The following ELOVL6 variants were observed in gnomAD, a reference collection of about 807,000 sequenced individuals.
The protein encoded by ELOVL6 is ELOVL fatty acid elongase 6, also known as very long chain fatty acid elongase 6.
A neutral mutation model predicts 31.7 loss-of-function variants in ELOVL6; 8 were observed. The ratio of observed to expected loss-of-function variants is 0.25; its 90% confidence interval spans 0.15 to 0.45. ELOVL6 has a LOEUF of 0.45. ELOVL6 is among the 20% of genes least tolerant of loss of function. ELOVL6 has a pLI of 1.00. For synonymous variants in ELOVL6, 101 were observed against 117.7 expected (o/e 0.86, Z 0.92); for missense variants, 126 against 326.4 (o/e 0.39, Z 4.73).
chr4:110,129,100 A>G (rs1395472148), intron 1 of ELOVL6, among the ~76,000 whole-genome samples: 1 of 152,248 alleles, frequency 6.6e-6, no homozygotes, highest in Non-Finnish European at 1.5e-5. Flanking sequence ...CAGAAAAATT[A>G]TGTATAAATC....
intron 1 of ELOVL6, among the ~76,000 whole-genome samples, chr4:110,160,581 G>A (rs1213485045): frequency 6.6e-6 from 1 of 152,154 alleles, no homozygotes; most frequent in Non-Finnish European, 1.5e-5. Flanking sequence ...TCTCATGGTG[G>A]TTAAGCTTCA....
chr4:110,142,440 A>C (rs1757991750), intron 1 of ELOVL6, among the ~76,000 whole-genome samples: 2 of 151,332 alleles, frequency 1.3e-5, no homozygotes, highest in Admixed American at 1.3e-4. Flanking sequence ...TCCCTTTCTA[A>C]AAATAATTTA....
intron 1 of ELOVL6, among the ~76,000 whole-genome samples, chr4:110,181,238 G>A (rs1759262858): frequency 6.6e-6 from 1 of 152,014 alleles, no homozygotes; most frequent in South Asian, 2.1e-4. Context: ...CTCGACTCCA[G>A]GAGTTCAAGA....
At chr4:110,074,143 C>A (rs1202271793) in intron 2 of ELOVL6, among the ~76,000 whole-genome samples, 1 of 152,146 alleles carries the variant, frequency 6.6e-6, no homozygotes, top group Admixed American at 6.5e-5. Context: ...CCAGGAACTC[C>A]CCAGGATACC....
chr4:110,193,392 G>C (rs879727891), intron 1 of ELOVL6, among the ~76,000 whole-genome samples: 2 of 152,118 alleles, frequency 1.3e-5, no homozygotes, highest in Non-Finnish European at 2.9e-5. Context: ...ATTACTTGAG[G>C]TCAGGAGTTC....
At chr4:110,183,337 TC>T (rs1015283974) in intron 1 of ELOVL6, among the ~76,000 whole-genome samples, 4 of 152,078 alleles carry the variant, frequency 2.6e-5, no homozygotes, top group African/African-American at 9.7e-5. Flanking sequence ...GTAAGCAACA[TC>T]CCCTCCCTAA....
In ELOVL6 at chr4:110,198,434, C is replaced by T; in HGVS notation, c.-99G>A. The T allele has an allele frequency of 2.7e-6, 2 of 751,694 alleles. No individual in the cohort carries two copies. The highest frequency in any genetic ancestry group is 4.6e-6 in the Non-Finnish European group (2 of 438,792). The allele number at this position is 751,694 out of a possible 1,614,324, so 46.6% of individuals were successfully genotyped here. A position where few individuals can be genotyped will look rare whatever the true frequency, so the allele number is the denominator to read the frequency against. The stretch of plus-strand genomic sequence containing the variant: ...TGTTCTCCTGTCTGCTTCCCCCACC[C>T]ACCCCCCTAGGTCTTCCCCACGCCG... On this transcript the variant is annotated 5_prime_UTR_variant, in exon 1 of 4. Coordinates refer to ENST00000302274, the MANE Select transcript of ELOVL6 (RefSeq NM_024090.3).
chr4:110,137,497 T>C (rs1757842525), intron 1 of ELOVL6, among the ~76,000 whole-genome samples: 1 of 152,228 alleles, frequency 6.6e-6, no homozygotes, highest in African/African-American at 2.4e-5. Context: ...ATTAGTTTCA[T>C]TCAAGATTTG....
At chr4:110,186,630 C>A (rs1759446961) in intron 1 of ELOVL6, among the ~76,000 whole-genome samples, 1 of 150,890 alleles carries the variant, frequency 6.6e-6, no homozygotes, top group African/African-American at 2.4e-5. Flanking sequence ...ATGGTAAAAC[C>A]CTGTCTCTAC....
At chr4:110,098,186 A>G (rs1293591970) in intron 2 of ELOVL6, among the ~76,000 whole-genome samples, 2 of 151,514 alleles carry the variant, frequency 1.3e-5, no homozygotes, top group Non-Finnish European at 3.0e-5. Flanking sequence ...CACTTAACTG[A>G]GGGATACCGT....
chr4:110,158,960 C>A (rs1186133747), intron 1 of ELOVL6, among the ~76,000 whole-genome samples: 2 of 152,070 alleles, frequency 1.3e-5, no homozygotes, highest in African/African-American at 4.8e-5. Context: ...CGTGCCTGGC[C>A]AAGATATTGG....
chr4:110,071,608 A>G (rs62325295), intron 2 of ELOVL6, among the ~76,000 whole-genome samples: 28,420 of 152,014 alleles, frequency 0.19, 2,825 homozygotes, highest in African/African-American at 0.25. Context: ...GGATTCCTCC[A>G]TGGCTGGCTC....
chr4:110,192,668 T>C (rs1246411708), intron 1 of ELOVL6, among the ~76,000 whole-genome samples: 2 of 152,252 alleles, frequency 1.3e-5, no homozygotes, highest in Non-Finnish European at 2.9e-5. Flanking sequence ...ATTTATAATT[T>C]ATTAAAAGAT....
chr4:110,177,279 A>G (rs1759137566), intron 1 of ELOVL6, among the ~76,000 whole-genome samples: 1 of 152,062 alleles, frequency 6.6e-6, no homozygotes, highest in African/African-American at 2.4e-5. Flanking sequence ...CTCTACAAAA[A>G]ATTTTAGAAT....
At chr4:110,171,679 CTTTTTTTT>C (rs70956406) in intron 1 of ELOVL6, among the ~76,000 whole-genome samples, 1,525 of 66,216 alleles carry the variant, frequency 0.023, 37 homozygotes, top group African/African-American at 0.074. Context: ...ATAATATCCT[CTTTTTTTT>C]TTTTTTTTTT....
In ELOVL6 at chr4:110,090,834, A is replaced by C. The variant is rs546638469; in HGVS notation, c.221+14663T>G. 7.2e-5 allele frequency among the ~76,000 whole-genome samples: 11 copies of C among 151,786 alleles called. No homozygotes were observed. In the South Asian group the frequency reaches 2.3e-3, roughly 32 times the overall value. On this transcript the variant is annotated intron_variant, in intron 2 of 3. Coordinates refer to ENST00000302274, the MANE Select transcript of ELOVL6 (RefSeq NM_024090.3). ...TGGCCAGGATGGTCTCAATCTCCTG[A>C]CTTTGCGATCCACCCGCCTCGGCCT... is the stretch of plus-strand genomic sequence containing the variant.
chr4:110,136,653 A>G (rs1757820274), intron 1 of ELOVL6, among the ~76,000 whole-genome samples: 1 of 152,200 alleles, frequency 6.6e-6, no homozygotes, highest in African/African-American at 2.4e-5. Flanking sequence ...CACAGTGAAC[A>G]TTATTTTACA....
intron 2 of ELOVL6, among the ~76,000 whole-genome samples, chr4:110,087,057 A>G (rs1756288012): frequency 6.6e-6 from 1 of 152,120 alleles, no homozygotes; most frequent in African/African-American, 2.4e-5. Context: ...CTGTTTCTCT[A>G]TTCTCAAGAG....
intron 1 of ELOVL6, among the ~76,000 whole-genome samples, chr4:110,192,967 G>T (rs903656005): frequency 6.6e-6 from 1 of 152,158 alleles, no homozygotes; most frequent in Admixed American, 6.6e-5. Flanking sequence ...ATTTGTTGCT[G>T]CAATGTTAAT....
Sources: gnomAD v4.1 joint callset for allele counts (sites outside exome capture counted in the v4.1 genomes callset) on GRCh38, gnomAD v4.1.1 for gene constraint, MANE v1.5 for transcripts, NCBI Gene and HGNC (gene_info 2026-07-23, HGNC 2026-07-21) for gene names.